Variants in MCTP1 observed in about 807,000 individuals in gnomAD.
MCTP1 encodes the protein multiple C2 and transmembrane domain containing 1.
In MCTP1, 69 loss-of-function variants were observed where a neutral mutation model predicts 120.6. The ratio of observed to expected loss-of-function variants is 0.57; its 90% CI spans 0.47 to 0.70. MCTP1 has a LOEUF of 0.70. Among genes scored for constraint, MCTP1 ranks in the 30% least tolerant of loss-of-function variants. The pLI is 0.00. For missense variants in MCTP1, 1,203 were observed against 1,248.8 expected, an observed-to-expected ratio of 0.96 and a Z score of 0.55; for synonymous variants, 529 against 493.1, an observed-to-expected ratio of 1.07 and a Z score of -0.96.
chr5:94,851,412 A>C (rs1220179819), intron 17 of MCTP1, among the ~76,000 whole-genome samples: 1 of 152,074 alleles, frequency 6.6e-6, no homozygotes, highest in African/African-American at 2.4e-5. Flanking sequence ...TCTTCTTCAC[A>C]GTGTTAGAGA....
intron 1 of MCTP1, among the ~76,000 whole-genome samples, chr5:95,167,331 C>T (rs943699699): frequency 2.0e-5 from 3 of 152,134 alleles, no homozygotes; most frequent in African/African-American, 2.4e-5. Flanking sequence ...GGGTTGGTTC[C>T]AAGTCTTTGC....
intron 19 of MCTP1, among the ~76,000 whole-genome samples, chr5:94,742,987 AAT>A (rs1252726351): frequency 1.3e-5 from 2 of 152,308 alleles, no homozygotes; most frequent in Admixed American, 6.5e-5. Flanking sequence ...TAAATTCTAC[AAT>A]AGAGGCATAA....
At chr5:95,071,883 G>T (rs1188724951) in intron 1 of MCTP1, among the ~76,000 whole-genome samples, 1 of 152,126 alleles carries the variant, frequency 6.6e-6, no homozygotes, top group Admixed American at 6.5e-5. Context: ...AGAGGTGAGT[G>T]ATATATTTTA....
intron 2 of MCTP1, among the ~76,000 whole-genome samples, chr5:94,996,268 C>A (rs928308249): frequency 2.0e-5 from 3 of 152,138 alleles, no homozygotes; most frequent in Non-Finnish European, 4.4e-5. Context: ...CCTCATTACA[C>A]TAAAAATTAA....
chr5:94,830,411 T>C (rs1788240680), intron 17 of MCTP1, among the ~76,000 whole-genome samples: 1 of 152,240 alleles, frequency 6.6e-6, no homozygotes, highest in Admixed American at 6.5e-5. Context: ...CCAAATTTAA[T>C]ATTTATTTTT....
chr5:94,934,959 A>T (rs1002115558), intron 5 of MCTP1, among the ~76,000 whole-genome samples: 1 of 151,884 alleles, frequency 6.6e-6, no homozygotes, highest in Non-Finnish European at 1.5e-5. Context: ...CAAACACACT[A>T]TCAGACAAAT....
In MCTP1 at chr5:95,127,756, A is replaced by G. The variant is rs181620144; in HGVS notation, c.721-110272T>C. Among the ~76,000 whole-genome samples the G allele has an allele frequency of 2.6e-3, 400 of 152,286 alleles. 2 individuals carry two copies. Among genetic ancestry groups the G allele is most frequent in the African/African-American group, 9.2e-3 (384 of 41,544 alleles). ...ATATCCTTCAACTTTTTACCTTTAA[A>G]GTCAAATGTGACCTCCAAAAACCTC... On this transcript the variant is annotated intron_variant, in intron 1 of 22. Coordinates refer to ENST00000515393, the MANE Select transcript of MCTP1 (RefSeq NM_024717.7).
chr5:95,154,657 A>G (rs1241584877), intron 1 of MCTP1, among the ~76,000 whole-genome samples: 1 of 152,194 alleles, frequency 6.6e-6, no homozygotes, highest in Non-Finnish European at 1.5e-5. Flanking sequence ...TCAATCCTAT[A>G]ACTGAAATTG....
chr5:94,805,354 C>T (rs1481814618), intron 17 of MCTP1, among the ~76,000 whole-genome samples: 2 of 152,176 alleles, frequency 1.3e-5, no homozygotes, highest in East Asian at 1.9e-4. Context: ...AGGCCGGGCA[C>T]TGTGGCTCAT....
At chr5:95,170,004 G>T (rs922588644) in intron 1 of MCTP1, among the ~76,000 whole-genome samples, 3 of 152,116 alleles carry the variant, frequency 2.0e-5, no homozygotes, top group Non-Finnish European at 4.4e-5. Flanking sequence ...TGTGATGTTA[G>T]GGTGTCTATT....
intron 7 of MCTP1, among the ~76,000 whole-genome samples, chr5:94,923,062 C>T (rs776392944): frequency 2.7e-4 from 40 of 147,366 alleles, no homozygotes; most frequent in Non-Finnish European, 4.9e-4. Flanking sequence ...ATAAATGTGG[C>T]GTATACTTGC....
chr5:94,965,532 ATC>A (rs1825375521), intron 2 of MCTP1, among the ~76,000 whole-genome samples: 1 of 34,720 alleles, frequency 2.9e-5, no homozygotes, highest in African/African-American at 1.4e-4. Context: ...GGTTTTTTTT[ATC>A]AGTCTTTCTG....
chr5:95,093,124 C>T (rs777851427), intron 1 of MCTP1, among the ~76,000 whole-genome samples: 1 of 152,114 alleles, frequency 6.6e-6, no homozygotes, highest in Non-Finnish European at 1.5e-5. Flanking sequence ...GCTTTGGACA[C>T]GTAGCATTCT....
intron 1 of MCTP1, among the ~76,000 whole-genome samples, chr5:95,255,987 C>T (rs532770404): frequency 2.6e-5 from 4 of 152,232 alleles, no homozygotes; most frequent in Admixed American, 6.5e-5. Flanking sequence ...ACAGAAGCAT[C>T]GAATGCTCTC....
chr5:94,948,010 G>A (rs1376082793), intron 3 of MCTP1, among the ~76,000 whole-genome samples: 2 of 152,108 alleles, frequency 1.3e-5, no homozygotes, highest in Non-Finnish European at 2.9e-5. Context: ...CTTAGCAACA[G>A]TGTCCAAGAC....
rs186730928 is a variant in MCTP1, at chr5:94,978,546, A to G, written c.839-25185T>C. On this transcript the variant is annotated intron_variant, in intron 2 of 22. Coordinates refer to ENST00000515393, the MANE Select transcript of MCTP1 (RefSeq NM_024717.7). ...ACTGAAAAAAGAAGGAAATCCTGCA[A>G]TATGTGACAACATGGATGAAACTTG... 7.9e-5 allele frequency among the ~76,000 whole-genome samples: 12 copies of G among 152,296 alleles called. 1 individual carries two copies. In the East Asian group the frequency reaches 1.4e-3, roughly 17 times the overall value.
intron 1 of MCTP1, among the ~76,000 whole-genome samples, chr5:95,147,866 C>T (rs1397027612): frequency 6.6e-6 from 1 of 152,168 alleles, no homozygotes; most frequent in African/African-American, 2.4e-5. Flanking sequence ...TTAGCATTCC[C>T]TTTAGGACCT....
rs1049800166 is a variant in MCTP1 at position 94,818,003 on chromosome 5, G to A, written c.2437-18871C>T. Reference sequence around the variant, plus strand: ...TCAGCTGCTCCTGGTTATACTAATCGGTTCAAGGATGGGCAAATCAGAACA... The same window carrying A: ...TCAGCTGCTCCTGGTTATACTAATCAGTTCAAGGATGGGCAAATCAGAACA... On this transcript the variant is annotated intron_variant, in intron 17 of 22. Transcript: ENST00000515393. 4.6e-5 allele frequency among the ~76,000 whole-genome samples: 7 copies of A among 152,150 alleles called. No individual in the cohort carries two copies. The South Asian group carries it at 8.3e-4, about 18-fold the overall frequency.
intron 19 of MCTP1, among the ~76,000 whole-genome samples, chr5:94,717,221 C>T (rs1759687612): frequency 6.6e-6 from 1 of 152,116 alleles, no homozygotes; most frequent in African/African-American, 2.4e-5. Context: ...GCTGATTCAA[C>T]ATACACAAAT....
Sources: allele counts gnomAD v4.1 joint callset (sites outside exome capture counted in the v4.1 genomes callset), GRCh38; gene constraint gnomAD v4.1.1; transcripts MANE v1.5; gene names NCBI Gene and HGNC (gene_info 2026-07-23, HGNC 2026-07-21).